DGKB: variants seen among roughly 807,000 people sequenced by gnomAD.
DGKB encodes the protein diacylglycerol kinase beta.
A neutral mutation model predicts 114.3 loss-of-function variants in DGKB; 67 were observed. The observed-to-expected ratio is 0.59, with a 90% CI of 0.48 to 0.72. DGKB has a LOEUF of 0.72. Ranked by LOEUF, DGKB falls within the 30% of genes least tolerant of loss-of-function variation. The pLI, the probability that DGKB is intolerant of heterozygous loss-of-function variation, is 0.00. For synonymous variants in DGKB, 398 were observed against 323.1 expected, an observed-to-expected ratio of 1.23 and a Z score of -2.49; for missense variants, 907 against 975.2, an observed-to-expected ratio of 0.93 and a Z score of 0.93.
At chr7:14,849,377 G>A (rs139382862) in intron 1 of DGKB, among the ~76,000 whole-genome samples, 1 of 152,098 alleles carries the variant, frequency 6.6e-6, no homozygotes, top group East Asian at 1.9e-4. Context: ...CCTTTGAGGG[G>A]TATTTAGGCC....
intron 21 of DGKB, among the ~76,000 whole-genome samples, chr7:14,428,558 T>C (rs1827941120): frequency 6.6e-6 from 1 of 152,170 alleles, no homozygotes; most frequent in Non-Finnish European, 1.5e-5. Flanking sequence ...TCTTTTTCTC[T>C]TTTTGTTTTC....
intron 6 of DGKB, among the ~76,000 whole-genome samples, chr7:14,711,949 G>C (rs183934140): frequency 4.6e-5 from 7 of 152,260 alleles, no homozygotes; most frequent in Admixed American, 3.9e-4. Context: ...CATCCGTATG[G>C]ATACTCACCT....
chr7:14,769,123 A>AAG (rs756712026), intron 2 of DGKB, among the ~76,000 whole-genome samples: 140 of 89,134 alleles, frequency 1.6e-3, no homozygotes, highest in Admixed American at 2.3e-3. Context: ...GAAAGAAAGA[A>AAG]AGAGAGAGAG....
chr7:14,177,338 C>G (rs945229459), intron 24 of DGKB, among the ~76,000 whole-genome samples: 8 of 151,860 alleles, frequency 5.3e-5, no homozygotes. Context: ...GGGCAGATCA[C>G]GAGGTCAGTA....
chr7:14,145,123 T>G lies in DGKB; in HGVS notation c.*4008A>C. 1 of 152,202 alleles carries G rather than the reference T, an allele frequency of 6.6e-6. No individual in the cohort carries two copies. Among genetic ancestry groups the G allele is most frequent in the Non-Finnish European group, 1.5e-5 (1 of 68,024 alleles). The allele number at this position is 152,202 out of a possible 1,614,324, so 9.4% of individuals were successfully genotyped here. On this transcript the variant is annotated 3_prime_UTR_variant, in exon 26 of 26. Coordinates refer to ENST00000402815, the MANE Select transcript of DGKB (RefSeq NM_001350709.2). ...TTCTGAGAAAATAATTAAGGTACTA[T>G]AATTAAGTTCCATGTTTTTAAACAC...
At chr7:14,950,306 T>C (rs1587442903) in intron 1 of DGKB, among the ~76,000 whole-genome samples, 1 of 151,608 alleles carries the variant, frequency 6.6e-6, no homozygotes, top group East Asian at 1.9e-4. Context: ...TAAAAAGAAG[T>C]AATAGCTCAA....
At position 14,482,701 on chromosome 7, in the gene DGKB, CCATCTGGAATAAAA is replaced by C. The variant is rs1783163582; in HGVS notation, c.1771-4490_1771-4477del. ...GTAAGAGATTGTGGTTCTGTATTTC[CCATCTGGAATAAAA>C]CAATGTTTGCTCTCCTGATAGTGTT... is the stretch of plus-strand genomic sequence containing the variant. On this transcript the variant is annotated intron_variant, in intron 20 of 25. Transcript: ENST00000402815. Among the ~76,000 whole-genome samples the C allele has an allele frequency of 2.0e-5, 3 of 152,154 alleles. No homozygotes were observed. In the South Asian group the frequency reaches 6.2e-4, roughly 32 times the overall value.
At chr7:14,867,818 A>G (rs1383706832) in intron 1 of DGKB, among the ~76,000 whole-genome samples, 1 of 152,168 alleles carries the variant, frequency 6.6e-6, no homozygotes, top group African/African-American at 2.4e-5. Context: ...AACAATTAGC[A>G]TGGATTCCTT....
intron 2 of DGKB, among the ~76,000 whole-genome samples, chr7:14,776,473 CTGCTGTG>C (rs1838207128): frequency 6.6e-6 from 1 of 152,192 alleles, no homozygotes; most frequent in Non-Finnish European, 1.5e-5. Flanking sequence ...CAGGGCCCAC[CTGCTGTG>C]TGCAGCCTAG....
chr7:14,597,146 T>G (rs182881463), intron 17 of DGKB, among the ~76,000 whole-genome samples: 15 of 152,142 alleles, frequency 9.9e-5, no homozygotes, highest in African/African-American at 3.4e-4. Context: ...AGGCGGAGCT[T>G]GCAGTGAGCC....
At chr7:14,416,016 G>A (rs1825678159) in intron 21 of DGKB, among the ~76,000 whole-genome samples, 1 of 152,070 alleles carries the variant, frequency 6.6e-6, no homozygotes, top group Non-Finnish European at 1.5e-5. Context: ...TTTCTCTGAT[G>A]GCCAGTGATG....
At chr7:14,579,128 T>C (rs957659457) in intron 19 of DGKB, among the ~76,000 whole-genome samples, 3 of 152,222 alleles carry the variant, frequency 2.0e-5, no homozygotes, top group East Asian at 1.9e-4. Context: ...GATTCTTTGA[T>C]ATTTTATAAT....
intron 21 of DGKB, among the ~76,000 whole-genome samples, chr7:14,449,198 T>C (rs1831130774): frequency 6.6e-6 from 1 of 152,146 alleles, no homozygotes; most frequent in South Asian, 2.1e-4. Context: ...GTAATTTTAG[T>C]AAGTAATTTT....
At chr7:14,539,264 C>T (rs546276540) in intron 20 of DGKB, among the ~76,000 whole-genome samples, 2 of 152,168 alleles carry the variant, frequency 1.3e-5, no homozygotes, top group South Asian at 2.1e-4. Context: ...TCTAAACTCA[C>T]CAAATTTCAT....
chr7:14,754,193 G>A lies in DGKB; in HGVS notation c.148-245C>T, dbSNP rs892107878. Among the ~76,000 whole-genome samples the A allele has an allele frequency of 1.1e-4, 16 of 152,012 alleles. 1 individual carries two copies. The highest frequency in any genetic ancestry group is 3.1e-4 in the African/African-American group (13 of 41,392). On this transcript the variant is annotated intron_variant, in intron 3 of 25. Coordinates refer to ENST00000402815, the MANE Select transcript of DGKB (RefSeq NM_001350709.2). ...ACTGAATCTAAAACTGCGTGGGGTCGGGGGGAGGCAGGCAGCAATCCATGT... is the reference window on the plus strand; with the variant it reads ...ACTGAATCTAAAACTGCGTGGGGTCAGGGGGAGGCAGGCAGCAATCCATGT...
upstream of DGKB, among the ~76,000 whole-genome samples, chr7:14,903,672 T>G (rs1042391532): frequency 6.6e-6 from 1 of 152,064 alleles, no homozygotes; most frequent in Admixed American, 6.6e-5. Context: ...ATGGATGAAG[T>G]AGAAAGGCAG....
intron 1 of DGKB, among the ~76,000 whole-genome samples, chr7:14,946,821 T>C (rs1272974603): frequency 6.6e-6 from 1 of 151,860 alleles, no homozygotes; most frequent in Non-Finnish European, 1.5e-5. Context: ...AAGATTCCTC[T>C]AACATTTGAA....
intron 2 of DGKB, among the ~76,000 whole-genome samples, chr7:14,788,084 G>A (rs754874210): frequency 6.6e-6 from 1 of 152,240 alleles, no homozygotes; most frequent in African/African-American, 2.4e-5. Flanking sequence ...CCACAGCAAG[G>A]TGGCTGTTGG....
chr7:14,466,222 C>T (rs761765798), intron 21 of DGKB, among the ~76,000 whole-genome samples: 7 of 152,090 alleles, frequency 4.6e-5, no homozygotes, highest in Non-Finnish European at 8.8e-5. Flanking sequence ...CCTAGGAGCA[C>T]TCAACAAGCT....
Sources: gnomAD v4.1 joint callset for allele counts (sites outside exome capture counted in the v4.1 genomes callset) on GRCh38, gnomAD v4.1.1 for gene constraint, MANE v1.5 for transcripts, NCBI Gene and HGNC (gene_info 2026-07-23, HGNC 2026-07-21) for gene names.